PCDHGA5: variants seen among roughly 807,000 people sequenced by gnomAD.
PCDHGA5 encodes the protein protocadherin gamma subfamily A, 5, also known as protocadherin gamma-A5.
Under a neutral mutation model 56.7 loss-of-function variants are expected in PCDHGA5, and 36 were observed. The observed-to-expected ratio is 0.64, with a 90% CI of 0.49 to 0.84. The LOEUF (loss-of-function observed/expected upper bound fraction) is 0.84, where lower values mean the gene tolerates loss of function less well. Among genes scored for constraint, PCDHGA5 ranks in the 40% least tolerant of loss-of-function variants. PCDHGA5 has a pLI of 0.00. For missense variants in PCDHGA5, 1,305 were observed against 1,201.5 expected, an observed-to-expected ratio of 1.09 and a Z score of -1.27; for synonymous variants, 563 against 520.2, an observed-to-expected ratio of 1.08 and a Z score of -1.12.
At chr5:141,481,024 C>CTGGA (rs1200299352) in intron 1 of PCDHGA5, among the ~76,000 whole-genome samples, 3 of 152,122 alleles carry the variant, frequency 2.0e-5, no homozygotes, top group Admixed American at 1.3e-4. Flanking sequence ...CACCACTGCA[C>CTGGA]TCCAGCCTGG....
At chr5:141,414,132 T>A in intron 1 of PCDHGA5, 1 of 1,594,828 alleles carries the variant, frequency 6.3e-7, no homozygotes, top group South Asian at 1.1e-5. Flanking sequence ...CCGGTTTCTA[T>A]GAAATAGAAA....
intron 1 of PCDHGA5, among the ~76,000 whole-genome samples, chr5:141,402,471 A>G (rs1241536886): frequency 6.6e-6 from 1 of 152,238 alleles, no homozygotes; most frequent in Non-Finnish European, 1.5e-5. Context: ...CTAGAAATAG[A>G]GTGCAAAGTT....
At chr5:141,472,980 C>CAAAAAAAAAAAAAAAAAAA (rs60579131) in intron 1 of PCDHGA5, among the ~76,000 whole-genome samples, 6 of 86,104 alleles carry the variant, frequency 7.0e-5, no homozygotes, top group African/African-American at 1.2e-4. Context: ...GAGTGAAACT[C>CAAAAAAAAAAAAAAAAAAA]AAAAAAAAAA....
rs13436338 is a variant in PCDHGA5, at chr5:141,468,261, G to A, written c.2422-26546G>A. On this transcript the variant is annotated intron_variant, in intron 1 of 3. Coordinates refer to ENST00000518069, the MANE Select transcript of PCDHGA5 (RefSeq NM_018918.3). ...AATTGCCTGAACCTGGGAGGCAGAG[G>A]TTGTGGTGAGCCGAGACCACGCCAT... Among the ~76,000 whole-genome samples, 391 of 149,216 alleles carry A rather than the reference G, an allele frequency of 2.6e-3. 2 individuals are homozygous for A. Among genetic ancestry groups the A allele is most frequent in the African/African-American group, 9.3e-3 (377 of 40,498 alleles).
At chr5:141,488,139 T>C (rs906194527) in intron 1 of PCDHGA5, among the ~76,000 whole-genome samples, 2 of 152,084 alleles carry the variant, frequency 1.3e-5, no homozygotes, top group Non-Finnish European at 2.9e-5. Context: ...AGGAGAGAAC[T>C]AAAGGAATAG....
rs752680691 is a variant in PCDHGA5, at chr5:141,433,173, G to A, written c.2422-61634G>A. Reference sequence around the variant, plus strand: ...TCGGTATTTTCTAAAGACAGTCATGGGTTAATTGAGGTGAGTTTATATCAA... The same window carrying A: ...TCGGTATTTTCTAAAGACAGTCATGAGTTAATTGAGGTGAGTTTATATCAA... On this transcript the variant is annotated intron_variant, in intron 1 of 3. Coordinates refer to ENST00000518069, the MANE Select transcript of PCDHGA5 (RefSeq NM_018918.3). 3.1e-6 allele frequency: 5 copies of A among 1,610,344 alleles called. 1 individual carries two copies. In the Middle Eastern group the frequency reaches 5.0e-4, roughly 160 times the overall value.
chr5:141,504,541 C>G (rs1050153403), intron 2 of PCDHGA5, among the ~76,000 whole-genome samples: 2 of 151,728 alleles, frequency 1.3e-5, no homozygotes, highest in Non-Finnish European at 2.9e-5. Context: ...GTCATCATGG[C>G]AAATGTTGGG....
intron 1 of PCDHGA5, chr5:141,415,300 C>T (rs763286826): frequency 3.1e-6 from 5 of 1,614,222 alleles, no homozygotes; most frequent in East Asian, 4.5e-5. Context: ...CTGCGTCTTC[C>T]TGGCCTTCGT....
At position 141,364,841 on chromosome 5, in the gene PCDHGA5, C is replaced by T; in HGVS notation, c.511C>T (p.Gln171Ter). 1.2e-6 allele frequency: 2 copies of T among 1,613,988 alleles called. No individual in the cohort carries two copies. Residue 171 changes from glutamine to a stop codon, truncating the protein, a stop_gained, in exon 1 of 4, where the codon CAG becomes TAG. Coordinates refer to ENST00000518069, the MANE Select transcript of PCDHGA5 (RefSeq NM_018918.3). LOFTEE classifies it high-confidence loss of function. ...DVGVNSLRSY[Q>*]LSSNLHFSLD... ...GGGTGTGAACTCTCTCCGGAGTTAC[C>T]AGCTCAGCTCCAATCTGCACTTCTC...
Position 141,385,102 on chromosome 5 carries a change from G to A in PCDHGA5, c.2421+18351G>A, listed in dbSNP as rs370391349. On this transcript the variant is annotated intron_variant, in intron 1 of 3. Transcript: ENST00000518069. ...GGCTTCAGAAGGTGGCTTGGCGAAC[G>A]TGCCCACCTCGCACTTTGTGGGCAT... 6 of 1,614,174 alleles carry A rather than the reference G, an allele frequency of 3.7e-6. No homozygotes were observed. The East Asian group carries it at 6.7e-5, about 18-fold the overall frequency.
chr5:141,431,190 A>G lies in PCDHGA5; in HGVS notation c.2422-63617A>G, dbSNP rs1363655439. 1 of 1,614,228 alleles carries G rather than the reference A, an allele frequency of 6.2e-7. No homozygotes were observed. Among genetic ancestry groups the G allele is most frequent in the Non-Finnish European group, 8.5e-7 (1 of 1,180,038 alleles). ...AGTGAATTAGAAATAAAAATTAGTGAAAATGCAGCCACTGAGATGCGGTTC... is the reference window on the plus strand; with the variant it reads ...AGTGAATTAGAAATAAAAATTAGTGGAAATGCAGCCACTGAGATGCGGTTC... On this transcript the variant is annotated intron_variant, in intron 1 of 3. Transcript: ENST00000518069. This position sits in a 1 kb window ranked among gnomAD's most constrained non-coding sequence, Gnocchi z 4.8.
chr5:141,481,179 T>C (rs115525079), intron 1 of PCDHGA5, among the ~76,000 whole-genome samples: 16 of 152,358 alleles, frequency 1.1e-4, no homozygotes, highest in African/African-American at 3.6e-4. Flanking sequence ...TCCAGCTTTA[T>C]TGGGCCAGGC....
chr5:141,383,635 C>G (rs1226106296), intron 1 of PCDHGA5: 6 of 1,613,966 alleles, frequency 3.7e-6, no homozygotes, highest in Non-Finnish European at 5.1e-6. Context: ...CTCTCTGCCT[C>G]AGTACCAAGT....
chr5:141,371,538 A>G, intron 1 of PCDHGA5: 1 of 1,613,804 alleles, frequency 6.2e-7, no homozygotes, highest in Non-Finnish European at 8.5e-7. Context: ...TAATGGAGAA[A>G]TCCTATGCCA....
intron 1 of PCDHGA5, chr5:141,398,277 C>T: frequency 1.4e-6 from 2 of 1,407,866 alleles, no homozygotes; most frequent in Non-Finnish European, 1.9e-6. Flanking sequence ...TGGGGAACCT[C>T]GCCACGGACC....
chr5:141,366,580 G>A lies in PCDHGA5; in HGVS notation c.2250G>A (p.Leu750=), dbSNP rs759906003. Residue 750 remains leucine (L), a synonymous_variant, in exon 1 of 4, where the codon CTG becomes CTA. Transcript: ENST00000518069. ...FVGVDGVRAF[L]QTYSHEVSLT... is the part of the protein sequence containing the mutation. ...GCGTGGATGGGGTTCGGGCTTTCCTGCAGACCTATTCCCACGAGGTCTCCC... is the reference window on the plus strand; with the variant it reads ...GCGTGGATGGGGTTCGGGCTTTCCTACAGACCTATTCCCACGAGGTCTCCC... The A allele has an allele frequency of 1.2e-5, 19 of 1,614,132 alleles. No individual in the cohort carries two copies. The highest frequency in any genetic ancestry group is 4.2e-6 in the Non-Finnish European group (5 of 1,180,052).
intron 1 of PCDHGA5, among the ~76,000 whole-genome samples, chr5:141,456,842 A>G (rs1374546355): frequency 6.6e-6 from 1 of 152,150 alleles, no homozygotes; most frequent in African/African-American, 2.4e-5. Flanking sequence ...GGGCGCCTGT[A>G]ATCCCAGCTA....
At chr5:141,478,423 C>A (rs1355847104) in intron 1 of PCDHGA5, 1 of 1,613,672 alleles carries the variant, frequency 6.2e-7, no homozygotes, top group Admixed American at 1.7e-5. Context: ...CCCGCCGCAG[C>A]GACCCGCTGC....
chr5:141,449,073 T>C (rs889880816), intron 1 of PCDHGA5, among the ~76,000 whole-genome samples: 1 of 152,246 alleles, frequency 6.6e-6, no homozygotes, highest in African/African-American at 2.4e-5. Flanking sequence ...TGAATAGCCC[T>C]GTACCTACAT....
Sources: allele counts gnomAD v4.1 joint callset (sites outside exome capture counted in the v4.1 genomes callset), GRCh38; gene constraint gnomAD v4.1.1; non-coding constraint Gnocchi (gnomAD v3.1); transcripts MANE v1.5; gene names NCBI Gene and HGNC (gene_info 2026-07-23, HGNC 2026-07-21).